RANBP2: variants seen among roughly 807,000 people sequenced by gnomAD.
RANBP2 encodes RAN binding protein 2.
Under a neutral mutation model 303.6 loss-of-function variants are expected in RANBP2, and 57 were observed. The observed-to-expected ratio is 0.19, with a 90% CI of 0.15 to 0.23. The LOEUF (loss-of-function observed/expected upper bound fraction) is 0.23, where lower values mean the gene tolerates loss of function less well. RANBP2 is among the 10% of genes least tolerant of loss of function. The pLI is 1.00. For missense variants in RANBP2, 3,138 were observed against 3,780.8 expected (o/e 0.83, Z 4.46); for synonymous variants, 1,167 against 1,301.5 (o/e 0.90, Z 2.23).
At chr2:108,805,444 G>A in the RANBP2 span, among the ~76,000 whole-genome samples, 1 of 152,238 alleles carries the variant, frequency 6.6e-6, no homozygotes, top group East Asian at 1.9e-4. Flanking sequence ...AAGTATTGCA[G>A]GCCAGGCGCG....
the RANBP2 span, among the ~76,000 whole-genome samples, chr2:109,133,189 C>G: frequency 6.6e-6 from 1 of 152,194 alleles, no homozygotes; most frequent in Non-Finnish European, 1.5e-5. Context: ...CAAGGAAGGA[C>G]ATTGTCACAA....
chr2:109,529,616 C>T, the RANBP2 span, among the ~76,000 whole-genome samples: 13 of 152,278 alleles, frequency 8.5e-5, no homozygotes, highest in East Asian at 2.3e-3. Context: ...CTTTGCTTTG[C>T]TTAGGACAAA....
chr2:109,112,841 T>A, the RANBP2 span, among the ~76,000 whole-genome samples: 4 of 152,236 alleles, frequency 2.6e-5, no homozygotes, highest in Non-Finnish European at 4.4e-5. Context: ...CAATTTCAGC[T>A]TTCTACATAT....
At chr2:109,638,225 T>G in the RANBP2 span, among the ~76,000 whole-genome samples, 1 of 152,174 alleles carries the variant, frequency 6.6e-6, no homozygotes, top group Non-Finnish European at 1.5e-5. Context: ...TATTACAACT[T>G]ATATTTAAAC....
the RANBP2 span, among the ~76,000 whole-genome samples, chr2:109,722,308 G>T: frequency 5.3e-5 from 8 of 152,154 alleles, no homozygotes; most frequent in Non-Finnish European, 1.2e-4. Context: ...GCTGGCCACA[G>T]GCCAGACACG....
At chr2:108,826,992 T>C in the RANBP2 span, among the ~76,000 whole-genome samples, 2 of 152,248 alleles carry the variant, frequency 1.3e-5, no homozygotes, top group Admixed American at 6.5e-5. Context: ...TTTTTATTCT[T>C]TTTGATGATG....
chr2:109,546,138 A>G, the RANBP2 span: 1 of 1,611,378 alleles, frequency 6.2e-7, no homozygotes, highest in Admixed American at 1.7e-5. Context: ...TTCTTTTTAG[A>G]GAAAGCAATT....
At chr2:108,878,430 G>T in the RANBP2 span, 1 of 215,860 alleles carries the variant, frequency 4.6e-6, no homozygotes, top group South Asian at 8.0e-5. Context: ...GTTCCAAGAG[G>T]AGACACTGGA....
chr2:109,280,427 G>A, the RANBP2 span, among the ~76,000 whole-genome samples: 3 of 152,200 alleles, frequency 2.0e-5, no homozygotes, highest in Non-Finnish European at 2.9e-5. Context: ...TGGGGCCCCA[G>A]TCTGGTGGAC....
chr2:109,147,009 G>A, the RANBP2 span, among the ~76,000 whole-genome samples: 6 of 150,558 alleles, frequency 4.0e-5, no homozygotes, highest in East Asian at 1.0e-3. Context: ...CTCCCAACCT[G>A]ATGATGTCTC....
chr2:109,668,744 A>T, the RANBP2 span, among the ~76,000 whole-genome samples: 1 of 152,382 alleles, frequency 6.6e-6, no homozygotes, highest in African/African-American at 2.4e-5. Flanking sequence ...CATTACAAAC[A>T]ATATTGAAAA....
At chr2:108,843,243 C>T in the RANBP2 span, among the ~76,000 whole-genome samples, 2 of 152,126 alleles carry the variant, frequency 1.3e-5, no homozygotes, top group African/African-American at 4.8e-5. Flanking sequence ...CTGCAACCTC[C>T]GTCTGCTGGG....
chr2:109,217,440 T>A, the RANBP2 span, among the ~76,000 whole-genome samples: 3 of 152,232 alleles, frequency 2.0e-5, no homozygotes, highest in African/African-American at 7.2e-5. Flanking sequence ...ATGGTTTGTC[T>A]CAGCTCCAGG....
the RANBP2 span, among the ~76,000 whole-genome samples, chr2:109,450,191 C>CA: frequency 6.6e-6 from 1 of 151,776 alleles, no homozygotes; most frequent in Non-Finnish European, 1.5e-5. Flanking sequence ...ACTAAAAATA[C>CA]AAAAATTAGC....
At chr2:109,136,912 C>T in the RANBP2 span, among the ~76,000 whole-genome samples, 11 of 152,024 alleles carry the variant, frequency 7.2e-5, no homozygotes, top group African/African-American at 2.2e-4. Context: ...TCAGGGAGTT[C>T]GCAGGGAGCC....
the RANBP2 span, chr2:109,614,638 C>T: frequency 4.1e-6 from 6 of 1,464,532 alleles, no homozygotes; most frequent in Non-Finnish European, 5.4e-6. Flanking sequence ...GAGCAGCGCG[C>T]CCGCGCCCGC....
the RANBP2 span, among the ~76,000 whole-genome samples, chr2:108,957,314 A>G: frequency 6.6e-6 from 1 of 152,240 alleles, no homozygotes; most frequent in Non-Finnish European, 1.5e-5. Context: ...GTTTATGGGC[A>G]GAGATGACCC....
chr2:109,322,502 T>G, the RANBP2 span, among the ~76,000 whole-genome samples: 1 of 152,222 alleles, frequency 6.6e-6, no homozygotes, highest in African/African-American at 2.4e-5. Context: ...CTGAAATTTC[T>G]AAATAAGCCT....
chr2:109,465,765 T>G, the RANBP2 span, among the ~76,000 whole-genome samples: 1 of 152,168 alleles, frequency 6.6e-6, no homozygotes, highest in Admixed American at 6.5e-5. Flanking sequence ...GAGTCTCACA[T>G]GGCAGGAGCA....
Sources: gnomAD v4.1 joint callset for allele counts (sites outside exome capture counted in the v4.1 genomes callset) on GRCh38, gnomAD v4.1.1 for gene constraint, MANE v1.5 for transcripts, NCBI Gene and HGNC (gene_info 2026-07-23, HGNC 2026-07-21) for gene names.